ADGRL1: variants seen among roughly 807,000 people sequenced by gnomAD.
ADGRL1 encodes adhesion G protein-coupled receptor L1.
A neutral mutation model predicts 148.9 loss-of-function variants in ADGRL1; 31 were observed. The ratio of observed to expected loss-of-function variants is 0.21; its 90% CI spans 0.16 to 0.28. ADGRL1 has a LOEUF of 0.28. Among genes scored for constraint, ADGRL1 ranks in the 10% least tolerant of loss-of-function variants. ADGRL1 has a pLI of 1.00. For synonymous variants in ADGRL1, 937 were observed against 900.3 expected (o/e 1.04, Z -0.73); for missense variants, 1,521 against 2,058.8 (o/e 0.74, Z 5.05).
At position 14,151,200 on chromosome 19, in the gene ADGRL1, G is replaced by A. The variant is rs540076712; in HGVS notation, c.4083C>T (p.Ala1361=). The change falls in exon 23 of 23, where the codon GCC becomes GCT. Residue 1361 remains alanine (A), a synonymous_variant. Coordinates refer to ENST00000361434, the MANE Select transcript of ADGRL1 (RefSeq NM_014921.5). The part of the protein sequence containing the change: ...SDLDESESCT[A]EDGATSRPLS... Reference sequence around the variant, plus strand: ...GGGGCCGGCTGGTGGCGCCGTCCTCGGCCGTGCAGCTCTCCGACTCGTCCA... The same window carrying A: ...GGGGCCGGCTGGTGGCGCCGTCCTCAGCCGTGCAGCTCTCCGACTCGTCCA... 7.4e-5 allele frequency: 120 copies of A among 1,611,296 alleles called. No homozygotes were observed. In the Admixed American group the frequency reaches 1.4e-3, roughly 18 times the overall value.
At chr19:14,168,216 G>T (rs980915900) in intron 4 of ADGRL1, among the ~76,000 whole-genome samples, 1 of 152,018 alleles carries the variant, frequency 6.6e-6, no homozygotes, top group Non-Finnish European at 1.5e-5. Flanking sequence ...CCAGCAGGGA[G>T]CTCCGCAGGG....
Position 14,156,192 on chromosome 19 carries a change from C to A in ADGRL1, c.3043G>T (p.Val1015Leu), listed in dbSNP as rs201139343. Residue 1015 changes from valine (V) to leucine (L), a missense_variant, in exon 17 of 23, where the codon GTG becomes TTG. Around this residue, in one of 8 missense-constraint regions of ADGRL1, gnomAD observed 185 missense variants for 251.7 expected, o/e 0.74. Transcript: ENST00000361434. ...PVSFVIVVNL[V>L]FLMVTLHKMI... The stretch of plus-strand genomic sequence containing the variant: ...TTGTGCAGGGTCACCATGAGGAACA[C>A]CAGGTTGACCTGGGGGCGGGACAAG... 1.2e-6 allele frequency: 2 copies of A among 1,611,940 alleles called. No individual in the cohort carries two copies. Among genetic ancestry groups the A allele is most frequent in the African/African-American group, 1.3e-5 (1 of 75,000 alleles).
chr19:14,167,956 G>A (rs1046873601), intron 4 of ADGRL1, among the ~76,000 whole-genome samples: 4 of 152,072 alleles, frequency 2.6e-5, no homozygotes, highest in Non-Finnish European at 4.4e-5. Context: ...AGGAAGGGGC[G>A]CGGTTAGACT....
intron 1 of ADGRL1, among the ~76,000 whole-genome samples, chr19:14,197,280 A>C (rs989556374): frequency 6.6e-6 from 1 of 152,096 alleles, no homozygotes; most frequent in Non-Finnish European, 1.5e-5. Flanking sequence ...TCTAAATAAA[A>C]TAAAATAAAG....
intron 1 of ADGRL1, among the ~76,000 whole-genome samples, chr19:14,199,426 T>G (rs1312370613): frequency 6.9e-6 from 1 of 145,126 alleles, no homozygotes; most frequent in African/African-American, 2.5e-5. Flanking sequence ...AGTGTGTGTG[T>G]TTTTTTTTTT....
chr19:14,155,286 C>T lies in ADGRL1; in HGVS notation c.3294+73G>A, dbSNP rs1010321812. The T allele has an allele frequency of 5.2e-5, 81 of 1,548,228 alleles. No homozygotes were observed. Among genetic ancestry groups the T allele is most frequent in the East Asian group, 1.1e-4 (5 of 44,232 alleles). On this transcript the variant is annotated intron_variant, in intron 18 of 22. Transcript: ENST00000361434. The surrounding 1 kb of genome is among the most constrained non-coding windows in gnomAD (Gnocchi z 5.0). ...GGAGCCCCTGAGTCCCCTCCACCCT[C>T]GCCGCCTTCTCCTGGGTACCCAGGA...
Position 14,166,001 on chromosome 19 carries a change from C to T in ADGRL1, c.395-2595G>A, listed in dbSNP as rs529677584. 5.7e-4 allele frequency among the ~76,000 whole-genome samples: 87 copies of T among 152,248 alleles called. 1 individual carries two copies. Among genetic ancestry groups the T allele is most frequent in the South Asian group, 1.5e-3 (7 of 4,826 alleles). ...AGAAGCCCCTCAGCAGCAGCACCTCCGCTCCCCCCAATAACAGCCAGTAAT... is the reference window on the plus strand; with the variant it reads ...AGAAGCCCCTCAGCAGCAGCACCTCTGCTCCCCCCAATAACAGCCAGTAAT... On this transcript the variant is annotated intron_variant, in intron 4 of 22. Transcript: ENST00000361434.
chr19:14,165,259 C>A (rs113557585), intron 4 of ADGRL1, among the ~76,000 whole-genome samples: 1 of 152,302 alleles, frequency 6.6e-6, no homozygotes, highest in African/African-American at 2.4e-5. Context: ...TGGCTTGGGC[C>A]CTGGGGACTG....
intron 2 of ADGRL1, among the ~76,000 whole-genome samples, chr19:14,182,476 G>C (rs1322524604): frequency 6.6e-6 from 1 of 152,204 alleles, no homozygotes; most frequent in African/African-American, 2.4e-5. Flanking sequence ...GCACTCGTGC[G>C]GGACGGTGAC....
At chr19:14,196,277 G>A (rs576863914) in intron 1 of ADGRL1, among the ~76,000 whole-genome samples, 1 of 152,166 alleles carries the variant, frequency 6.6e-6, no homozygotes, top group African/African-American at 2.4e-5. Context: ...AGAACCCTCC[G>A]TGGCTCCCAC....
intron 4 of ADGRL1, chr19:14,167,118 CTTTCG>C: frequency 8.6e-7 from 1 of 1,161,838 alleles, no homozygotes; most frequent in Non-Finnish European, 1.3e-6. Context: ...GATTAAATTG[CTTTCG>C]TTTCTTTTCT....
Position 14,162,973 on chromosome 19 carries a change from G to A in ADGRL1, c.828C>T (p.Tyr276=), listed in dbSNP as rs761993200. ...AVDENGLWVI[Y]ATEGNNGRLV... ...GCCGCCCGTTGTTGCCCTCAGTGGC[G>A]TAGATGACCCACAGCCCGTTCTCGT... is the stretch of plus-strand genomic sequence containing the variant. Residue 276 remains tyrosine, a synonymous_variant, in exon 5 of 23, where the codon TAC becomes TAT. Coordinates refer to ENST00000361434, the MANE Select transcript of ADGRL1 (RefSeq NM_014921.5). This position sits in a 1 kb window ranked among gnomAD's most constrained non-coding sequence, Gnocchi z 5.4. 2.7e-5 allele frequency: 43 copies of A among 1,613,808 alleles called. No individual in the cohort carries two copies. Among genetic ancestry groups the A allele is most frequent in the South Asian group, 4.4e-5 (4 of 91,060 alleles).
At chr19:14,193,582 A>G (rs1972083294) in intron 1 of ADGRL1, among the ~76,000 whole-genome samples, 1 of 152,050 alleles carries the variant, frequency 6.6e-6, no homozygotes, top group Non-Finnish European at 1.5e-5. Flanking sequence ...GTGGGACCCC[A>G]TGTCAAAAAT....
chr19:14,161,626 C>T lies in ADGRL1; in HGVS notation c.1196G>A (p.Gly399Asp). The change falls in exon 6 of 23, where the codon GGC becomes GAC. Residue 399 changes from glycine (G) to aspartate (D), a missense_variant and splice_region_variant. By Grantham distance (94) the Gly-to-Asp change is moderately conservative (BLOSUM62 -1). Coordinates refer to ENST00000361434, the MANE Select transcript of ADGRL1 (RefSeq NM_014921.5). The surrounding 1 kb of genome is among the most constrained non-coding windows in gnomAD (Gnocchi z 4.4). ...LEFGPPDPSA[G>D]PATSPPLSTT... ...GCTGAGGGGTGGGGAAGTGGCTGGGCCTGGAGAGGGGATACGAGACAGGGT... is the reference window on the plus strand; with the variant it reads ...GCTGAGGGGTGGGGAAGTGGCTGGGTCTGGAGAGGGGATACGAGACAGGGT... 4 of 1,409,016 alleles carry T rather than the reference C, an allele frequency of 2.8e-6. No homozygotes were observed. Among genetic ancestry groups the T allele is most frequent in the Non-Finnish European group, 3.7e-6 (4 of 1,086,898 alleles). The allele number at this position is 1,409,016 out of a possible 1,614,324, so 87.3% of individuals were successfully genotyped here. A position where few individuals can be genotyped will look rare whatever the true frequency, so the allele number is the denominator to read the frequency against.
rs778488707 is a variant in ADGRL1, at chr19:14,152,549, C to A, written c.3488G>T (p.Gly1163Val). Residue 1163 changes from glycine to valine, a missense_variant, in exon 20 of 23, where the codon GGT becomes GTT. Transcript: ENST00000361434. This position sits in a 1 kb window ranked among gnomAD's most constrained non-coding sequence, Gnocchi z 6.1. Reference protein sequence around the residue: ...RKQTESSFMAGDINSTPTLNR... With the variant: ...RKQTESSFMAVDINSTPTLNR... ...CAGGGTGGGGGTGCTGTTGATGTCA[C>A]CCGCCATGAAGGAGGACTCCGTCTG... 3.7e-6 allele frequency: 6 copies of A among 1,614,094 alleles called. No individual in the cohort carries two copies. Among genetic ancestry groups the A allele is most frequent in the Non-Finnish European group, 5.1e-6 (6 of 1,179,970 alleles).
intron 4 of ADGRL1, among the ~76,000 whole-genome samples, chr19:14,164,913 A>G (rs2144786083): frequency 1.3e-5 from 2 of 152,194 alleles, no homozygotes; most frequent in East Asian, 3.9e-4. Context: ...CAGAACCCAC[A>G]CATAGGCCAG....
rs751578145 is a variant in ADGRL1 at position 14,158,440 on chromosome 19, G to A, written c.2262C>T (p.Ala754=). 6 of 1,613,806 alleles carry A rather than the reference G, an allele frequency of 3.7e-6. No homozygotes were observed. Among genetic ancestry groups the A allele is most frequent in the Non-Finnish European group, 3.4e-6 (4 of 1,180,030 alleles). ...GEAGPGGPGG[A]SLVVNSQVIA... ...TGACCTGTGAGTTCACCACTAGAGA[G>A]GCGCCCCCAGGGCCACCCGGGCCTG... The change falls in exon 12 of 23, where the codon GCC becomes GCT. Residue 754 remains alanine, a synonymous_variant. Transcript: ENST00000361434.
intron 16 of ADGRL1, 104 bp downstream of exon 16, chr19:14,156,552 AGT>A (rs3830196): frequency 2.9e-3 from 1,287 of 447,838 alleles, no homozygotes; most frequent in Middle Eastern, 4.9e-3. Flanking sequence ...AGAGAGAGAG[AGT>A]GTGTGTGTGT....
At chr19:14,163,784 T>C (rs1969680886) in intron 4 of ADGRL1, among the ~76,000 whole-genome samples, 1 of 151,832 alleles carries the variant, frequency 6.6e-6, no homozygotes, top group South Asian at 2.1e-4. Context: ...CTCCCAGAGG[T>C]GGTCCTGTGT....
Sources: allele counts gnomAD v4.1 joint callset (sites outside exome capture counted in the v4.1 genomes callset), GRCh38; gene constraint gnomAD v4.1.1; regional missense constraint gnomAD v4.1.1; non-coding constraint Gnocchi (gnomAD v3.1); transcripts MANE v1.5; gene names NCBI Gene and HGNC (gene_info 2026-07-23, HGNC 2026-07-21).